Variants in PCDHGA3 observed in about 807,000 individuals in gnomAD.
The protein encoded by PCDHGA3 is protocadherin gamma subfamily A, 3, also known as protocadherin gamma-A3.
Under a neutral mutation model 58.5 loss-of-function variants are expected in PCDHGA3, and 40 were observed. That is an observed-to-expected ratio of 0.68 (90% CI 0.53 to 0.89). PCDHGA3 has a LOEUF of 0.89. Among genes scored for constraint, PCDHGA3 ranks in the 40% least tolerant of loss-of-function variants. The pLI, the probability that PCDHGA3 is intolerant of heterozygous loss-of-function variation, is 0.00. For synonymous variants in PCDHGA3, 530 were observed against 525.7 expected (o/e 1.01, Z -0.11); for missense variants, 1,223 against 1,195.9 (o/e 1.02, Z -0.33).
Position 141,383,923 on chromosome 5 carries a change from G to T in PCDHGA3, c.2424+37466G>T, listed in dbSNP as rs201582947. On this transcript the variant is annotated intron_variant, in intron 1 of 3. Coordinates refer to ENST00000253812, the MANE Select transcript of PCDHGA3 (RefSeq NM_018916.4). ...ACTGATCACAGTTTTAGATGTAAAT[G>T]ATAATGCTCCAGAAGTGACTATGAC... 169 of 1,613,826 alleles carry T rather than the reference G, an allele frequency of 1.0e-4. No homozygotes were observed. Among genetic ancestry groups the T allele is most frequent in the Non-Finnish European group, 1.3e-4 (156 of 1,179,886 alleles).
At chr5:141,356,392 T>C (rs1760208975) in intron 1 of PCDHGA3, 1 of 1,577,696 alleles carries the variant, frequency 6.3e-7, no homozygotes, top group Non-Finnish European at 8.6e-7. Context: ...TGAAAAGACC[T>C]ATGGAAATTA....
At chr5:141,347,206 T>G (rs769485722) in intron 1 of PCDHGA3, among the ~76,000 whole-genome samples, 8 of 129,568 alleles carry the variant, frequency 6.2e-5, no homozygotes, top group Non-Finnish European at 1.1e-4. Context: ...CTGTCTGGAG[T>G]GCAGTGGCAT....
At chr5:141,443,090 C>T (rs1403922939) in intron 1 of PCDHGA3, among the ~76,000 whole-genome samples, 3 of 151,926 alleles carry the variant, frequency 2.0e-5, no homozygotes, top group Non-Finnish European at 2.9e-5. Context: ...TTCCAGTCTC[C>T]TTCTCAAGCT....
At chr5:141,509,077 C>A (rs1371396735) in intron 3 of PCDHGA3, among the ~76,000 whole-genome samples, 3 of 152,242 alleles carry the variant, frequency 2.0e-5, no homozygotes, top group Admixed American at 2.0e-4. Flanking sequence ...CGGGGATTTG[C>A]GACATGAAAT....
chr5:141,361,662 G>T, intron 1 of PCDHGA3: 1 of 1,613,714 alleles, frequency 6.2e-7, no homozygotes, highest in South Asian at 1.1e-5. Context: ...CCGTGAGCGC[G>T]CAGAGCGGGG....
intron 1 of PCDHGA3, chr5:141,357,784 A>C: frequency 2.4e-6 from 2 of 849,184 alleles, no homozygotes; most frequent in Non-Finnish European, 3.6e-6. Context: ...GATCAACAGT[A>C]TTTACCACAC....
rs562030939 is a variant in PCDHGA3 at position 141,365,175 on chromosome 5, G to T, written c.2424+18718G>T. ...AACGGGAAATTGACCTACTCTTTTC[G>T]CAATGAAGAAGAAAAAATTTCGGAG... On this transcript the variant is annotated intron_variant, in intron 1 of 3. Transcript: ENST00000253812. 7 of 1,613,832 alleles carry T rather than the reference G, an allele frequency of 4.3e-6. No homozygotes were observed. In the African/African-American group the frequency reaches 5.3e-5, roughly 12 times the overall value.
Position 141,492,023 on chromosome 5 carries a change from C to G in PCDHGA3, c.2425-2784C>G, listed in dbSNP as rs536734764. 1.8e-4 allele frequency: 102 copies of G among 564,804 alleles called. 3 individuals carry two copies. In the South Asian group the frequency reaches 2.8e-3, roughly 15 times the overall value. The allele number at this position is 564,804 out of a possible 1,614,324, so 35.0% of individuals were successfully genotyped here. A position where few individuals can be genotyped will look rare whatever the true frequency, so the allele number is the denominator to read the frequency against. On this transcript the variant is annotated intron_variant, in intron 1 of 3. Coordinates refer to ENST00000253812, the MANE Select transcript of PCDHGA3 (RefSeq NM_018916.4). Reference sequence around the variant, plus strand: ...CGATTTCCGCGGGTGTCGGGGGTCCCGGGAGGAGGCAGTCACAGATCCACC... The same window carrying G: ...CGATTTCCGCGGGTGTCGGGGGTCCGGGGAGGAGGCAGTCACAGATCCACC...
At chr5:141,500,094 A>C (rs2099796337) in intron 2 of PCDHGA3, among the ~76,000 whole-genome samples, 1 of 151,860 alleles carries the variant, frequency 6.6e-6, no homozygotes, top group South Asian at 2.1e-4. Context: ...CCATTTTTGC[A>C]ATTTATTTGT....
chr5:141,420,465 A>G, intron 1 of PCDHGA3: 1 of 807,604 alleles, frequency 1.2e-6, no homozygotes. Context: ...ATTCAAAGAC[A>G]TTTTAAAGCA....
At chr5:141,399,901 G>A (rs767228671) in intron 1 of PCDHGA3, 42 of 1,612,296 alleles carry the variant, frequency 2.6e-5, no homozygotes, top group African/African-American at 1.3e-5. Flanking sequence ...GGCCGTGGAC[G>A]CAGACTCAGG....
intron 1 of PCDHGA3, among the ~76,000 whole-genome samples, chr5:141,373,098 C>A (rs1402463048): frequency 6.6e-6 from 1 of 152,208 alleles, no homozygotes; most frequent in African/African-American, 2.4e-5. Flanking sequence ...CTGTCATTTT[C>A]AGACATATCT....
chr5:141,384,543 G>A (rs767368247), intron 1 of PCDHGA3: 4 of 1,614,256 alleles, frequency 2.5e-6, no homozygotes, highest in South Asian at 1.1e-5. Context: ...ACATGTCACT[G>A]AGCCTGTTCG....
At chr5:141,466,655 AT>A (rs754296083) in intron 1 of PCDHGA3, among the ~76,000 whole-genome samples, 3 of 152,206 alleles carry the variant, frequency 2.0e-5, no homozygotes, top group Non-Finnish European at 4.4e-5. Context: ...TTCACAAAAC[AT>A]CAGTGATTTC....
chr5:141,402,799 C>A (rs1248030162), intron 1 of PCDHGA3: 2 of 1,061,840 alleles, frequency 1.9e-6, no homozygotes, highest in Non-Finnish European at 2.6e-6. Flanking sequence ...TACACAAAAC[C>A]CGGCAGATAC....
chr5:141,383,570 G>C (rs1312215313), intron 1 of PCDHGA3: 1 of 1,613,234 alleles, frequency 6.2e-7, no homozygotes, highest in South Asian at 1.1e-5. Flanking sequence ...CCCCGATCCA[G>C]CACCGCCCAC....
chr5:141,495,529 C>T (rs1466269939), intron 2 of PCDHGA3, among the ~76,000 whole-genome samples: 1 of 152,210 alleles, frequency 6.6e-6, no homozygotes, highest in African/African-American at 2.4e-5. Flanking sequence ...ACCTCTCAGT[C>T]CTTCCCTCAG....
intron 1 of PCDHGA3, among the ~76,000 whole-genome samples, chr5:141,429,706 T>G (rs191069331): frequency 7.6e-4 from 116 of 152,354 alleles, no homozygotes; most frequent in African/African-American, 2.5e-3. Flanking sequence ...ACAGTATAAA[T>G]ATTTACGCTC....
chr5:141,412,827 A>G (rs977931124), intron 1 of PCDHGA3, among the ~76,000 whole-genome samples: 2 of 152,236 alleles, frequency 1.3e-5, no homozygotes, highest in Non-Finnish European at 2.9e-5. Context: ...ATAGTAAATT[A>G]TTTAAAGATA....
Sources: gnomAD v4.1 joint callset for allele counts (sites outside exome capture counted in the v4.1 genomes callset) on GRCh38, gnomAD v4.1.1 for gene constraint, MANE v1.5 for transcripts, NCBI Gene and HGNC (gene_info 2026-07-23, HGNC 2026-07-21) for gene names.